Variants in EEFSEC observed in about 807,000 individuals in gnomAD.
EEFSEC encodes selenocysteine-specific elongation factor.
Under a neutral mutation model 42.1 loss-of-function variants are expected in EEFSEC, and 43 were observed. The observed-to-expected ratio is 1.02, with a 90% CI of 0.80 to 1.32. EEFSEC has a LOEUF of 1.32. Among genes scored for constraint, EEFSEC ranks in the 40% most tolerant of loss-of-function variants. The pLI is 0.00. For missense variants in EEFSEC, 745 were observed against 803.6 expected (o/e 0.93, Z 0.88); for synonymous variants, 354 against 339.1 (o/e 1.04, Z -0.48).
intron 6 of EEFSEC, among the ~76,000 whole-genome samples, chr3:128,379,104 T>G (rs1473321306): frequency 1.3e-5 from 2 of 152,204 alleles, no homozygotes; most frequent in Non-Finnish European, 2.9e-5. Context: ...CTTGCCCCAG[T>G]GTCTGTAGGG....
At chr3:128,353,024 C>G (rs1432165193) in intron 5 of EEFSEC, among the ~76,000 whole-genome samples, 1 of 152,230 alleles carries the variant, frequency 6.6e-6, no homozygotes, top group Admixed American at 6.5e-5. Flanking sequence ...TAAATCCTCA[C>G]TTAACATTGT....
intron 6 of EEFSEC, among the ~76,000 whole-genome samples, chr3:128,390,477 T>C (rs1329526436): frequency 6.6e-6 from 1 of 152,234 alleles, no homozygotes; most frequent in Non-Finnish European, 1.5e-5. Flanking sequence ...GAGACAGATG[T>C]GAATCACCTT....
intron 4 of EEFSEC, among the ~76,000 whole-genome samples, chr3:128,279,572 T>G (rs1162662691): frequency 2.0e-5 from 3 of 152,194 alleles, no homozygotes; most frequent in Non-Finnish European, 4.4e-5. Flanking sequence ...CATCCATGTT[T>G]GGAGTGCTGC....
chr3:128,347,254 T>A (rs2067323165), intron 5 of EEFSEC, among the ~76,000 whole-genome samples: 1 of 151,228 alleles, frequency 6.6e-6, no homozygotes. Flanking sequence ...TAATAAAGGG[T>A]TAATGAAGAA....
At chr3:128,367,913 T>TG (rs2067609279) in intron 6 of EEFSEC, 1 of 898,144 alleles carries the variant, frequency 1.1e-6, no homozygotes, top group Non-Finnish European at 1.3e-6. Context: ...AGCTGCCTCC[T>TG]GCGATCACTT....
chr3:128,308,167 G>A (rs138352125), intron 4 of EEFSEC, among the ~76,000 whole-genome samples: 23 of 152,348 alleles, frequency 1.5e-4, no homozygotes, highest in Non-Finnish European at 2.5e-4. Flanking sequence ...CCCAGGAGTG[G>A]GTCTCAGAAG....
At chr3:128,343,612 A>G (rs546641036) in intron 5 of EEFSEC, among the ~76,000 whole-genome samples, 6 of 152,218 alleles carry the variant, frequency 3.9e-5, no homozygotes, top group Admixed American at 2.0e-4. Context: ...TAAAATATCT[A>G]TGAGAGAGTA....
chr3:128,424,655 G>C, the EEFSEC span, among the ~76,000 whole-genome samples: 1 of 152,100 alleles, frequency 6.6e-6, no homozygotes, highest in Non-Finnish European at 1.5e-5. Flanking sequence ...AAAGTGCTGG[G>C]ATTACAGGAA....
At chr3:128,169,858 C>T (rs73192988) in intron 1 of EEFSEC, among the ~76,000 whole-genome samples, 1 of 152,342 alleles carries the variant, frequency 6.6e-6, no homozygotes, top group Non-Finnish European at 1.5e-5. Flanking sequence ...GGTCAGTGCT[C>T]CTTTCCCTGC....
intron 6 of EEFSEC, among the ~76,000 whole-genome samples, chr3:128,390,488 C>T (rs1004714929): frequency 3.9e-5 from 6 of 152,214 alleles, no homozygotes; most frequent in African/African-American, 1.2e-4. Flanking sequence ...GAATCACCTT[C>T]GCCAAATGAA....
At chr3:128,186,544 A>T (rs1328097138) in intron 1 of EEFSEC, among the ~76,000 whole-genome samples, 1 of 152,172 alleles carries the variant, frequency 6.6e-6, no homozygotes, top group Non-Finnish European at 1.5e-5. Flanking sequence ...TCTCAGTTTT[A>T]TAGTTTTAGC....
chr3:128,348,903 G>A (rs1222486210), intron 5 of EEFSEC, among the ~76,000 whole-genome samples: 3 of 152,242 alleles, frequency 2.0e-5, no homozygotes, highest in Non-Finnish European at 4.4e-5. Flanking sequence ...GGAGGACAGA[G>A]ACTCATGCCT....
At chr3:128,290,444 C>T (rs1008759507) in intron 4 of EEFSEC, among the ~76,000 whole-genome samples, 2 of 152,088 alleles carry the variant, frequency 1.3e-5, no homozygotes, top group Admixed American at 6.5e-5. Context: ...CGTTTATTGT[C>T]TTCTCATGCT....
chr3:128,334,954 G>GGCA (rs2067174097), intron 4 of EEFSEC, among the ~76,000 whole-genome samples: 1 of 152,226 alleles, frequency 6.6e-6, no homozygotes, highest in Non-Finnish European at 1.5e-5. Context: ...GGGGCCCCTG[G>GGCA]GCAGCAGGCC....
chr3:128,265,194 G>A (rs1357840056), intron 4 of EEFSEC, among the ~76,000 whole-genome samples: 1 of 152,098 alleles, frequency 6.6e-6, no homozygotes, highest in Non-Finnish European at 1.5e-5. Context: ...AGTTATTTCT[G>A]GGTACCTTTT....
At chr3:128,371,591 C>A (rs1431436622) in intron 6 of EEFSEC, among the ~76,000 whole-genome samples, 1 of 152,128 alleles carries the variant, frequency 6.6e-6, no homozygotes, top group Non-Finnish European at 1.5e-5. Flanking sequence ...TGTCTGGCAG[C>A]TGGTTGGAGG....
chr3:128,226,125 G>A (rs973165502), intron 1 of EEFSEC, among the ~76,000 whole-genome samples: 4 of 152,184 alleles, frequency 2.6e-5, no homozygotes, highest in African/African-American at 9.7e-5. Flanking sequence ...AAATGCTTGT[G>A]ATCCTTTTAG....
chr3:128,221,073 A>G (rs899268582), intron 1 of EEFSEC, among the ~76,000 whole-genome samples: 1 of 152,234 alleles, frequency 6.6e-6, no homozygotes, highest in Non-Finnish European at 1.5e-5. Context: ...AACTTCAGAA[A>G]CATCACAGGT....
At chr3:128,383,675 TG>T (rs1246718927) in intron 6 of EEFSEC, among the ~76,000 whole-genome samples, 1 of 152,232 alleles carries the variant, frequency 6.6e-6, no homozygotes, top group East Asian at 1.9e-4. Context: ...AGCCAGCACT[TG>T]GCAGGCACCA....
Sources: allele counts gnomAD v4.1 joint callset (sites outside exome capture counted in the v4.1 genomes callset), GRCh38; gene constraint gnomAD v4.1.1; transcripts MANE v1.5; gene names NCBI Gene and HGNC (gene_info 2026-07-23, HGNC 2026-07-21).